ADARB2: variants seen among roughly 807,000 people sequenced by gnomAD.
ADARB2 encodes adenosine deaminase RNA specific B2 (inactive).
In ADARB2, 25 loss-of-function variants were observed where a neutral mutation model predicts 62.2. The ratio of observed to expected loss-of-function variants is 0.40; its 90% CI spans 0.29 to 0.56. ADARB2 has a LOEUF of 0.56. Ranked by LOEUF, ADARB2 falls within the 20% of genes least tolerant of loss-of-function variation. ADARB2 has a pLI of 0.43. For missense variants in ADARB2, 1,071 were observed against 1,077.4 expected (o/e 0.99, Z 0.08); for synonymous variants, 572 against 500.8 (o/e 1.14, Z -1.90).
chr10:1,605,180 C>T (rs957855055), intron 1 of ADARB2, among the ~76,000 whole-genome samples: 2 of 152,184 alleles, frequency 1.3e-5, no homozygotes, highest in African/African-American at 4.8e-5. Flanking sequence ...TGAGTCCTCC[C>T]TTCCTTCTCT....
intron 1 of ADARB2, among the ~76,000 whole-genome samples, chr10:1,657,697 G>GAGC: frequency 1.3e-5 from 2 of 152,306 alleles, no homozygotes; most frequent in South Asian, 4.2e-4. Flanking sequence ...CCTCTAAGCC[G>GAGC]AGCGCAGGGT....
intron 1 of ADARB2, among the ~76,000 whole-genome samples, chr10:1,450,345 CT>C (rs1831021127): frequency 6.6e-6 from 1 of 152,214 alleles, no homozygotes. Context: ...TTTCCTGCTG[CT>C]GGAAGGGTGC....
At chr10:1,535,920 G>C (rs879116203) in intron 1 of ADARB2, among the ~76,000 whole-genome samples, 1 of 151,974 alleles carries the variant, frequency 6.6e-6, no homozygotes, top group Non-Finnish European at 1.5e-5. Context: ...GCCCTCTCTC[G>C]TCCCAGTCTT....
chr10:1,512,260 G>A (rs376907759), intron 1 of ADARB2, among the ~76,000 whole-genome samples: 36 of 151,462 alleles, frequency 2.4e-4, no homozygotes, highest in South Asian at 4.2e-4. Flanking sequence ...ACACCAAGAC[G>A]TTGATGCTTC....
At chr10:1,220,443 T>C (rs941763188) in intron 6 of ADARB2, among the ~76,000 whole-genome samples, 5 of 151,778 alleles carry the variant, frequency 3.3e-5, no homozygotes, top group African/African-American at 1.2e-4. Flanking sequence ...GTGGTGATGA[T>C]AAATTGAACA....
chr10:1,607,644 C>T (rs960819825), intron 1 of ADARB2, among the ~76,000 whole-genome samples: 4 of 152,186 alleles, frequency 2.6e-5, no homozygotes, highest in African/African-American at 9.7e-5. Flanking sequence ...TACGAGAGCT[C>T]GTTGATGCTG....
intron 1 of ADARB2, among the ~76,000 whole-genome samples, chr10:1,629,561 A>AC (rs1449207522): frequency 7.7e-5 from 4 of 52,054 alleles, no homozygotes; most frequent in East Asian, 6.5e-4. Context: ...CCAGCACCCA[A>AC]CCCCCCCAGC....
chr10:1,464,318 GAA>G (rs1377621858), intron 1 of ADARB2, among the ~76,000 whole-genome samples: 3 of 144,072 alleles, frequency 2.1e-5, no homozygotes, highest in African/African-American at 7.8e-5. Flanking sequence ...GCGCGCCGGA[GAA>G]GAGGGTGGAC....
At chr10:1,206,505 G>A (rs900192295) in intron 7 of ADARB2, among the ~76,000 whole-genome samples, 6 of 151,856 alleles carry the variant, frequency 4.0e-5, no homozygotes, top group African/African-American at 1.4e-4. Flanking sequence ...CCTCGTGCCT[G>A]TGTGGTCTGA....
chr10:1,375,694 C>A (rs1414396103), intron 2 of ADARB2, among the ~76,000 whole-genome samples: 6 of 152,348 alleles, frequency 3.9e-5, no homozygotes, highest in Non-Finnish European at 2.9e-5. Context: ...TGTGCTCCTA[C>A]CACCCACCCT....
chr10:1,513,928 A>T (rs1225354401), intron 1 of ADARB2, among the ~76,000 whole-genome samples: 1 of 151,978 alleles, frequency 6.6e-6, no homozygotes, highest in Non-Finnish European at 1.5e-5. Flanking sequence ...TATAAACAAA[A>T]TAACAAAAAT....
intron 3 of ADARB2, among the ~76,000 whole-genome samples, chr10:1,351,084 C>A (rs924960180): frequency 2.0e-5 from 3 of 152,146 alleles, no homozygotes; most frequent in African/African-American, 7.2e-5. Flanking sequence ...CCTCCTAAGC[C>A]GTGTCCCATC....
At chr10:1,337,455 G>T (rs190123976) in intron 3 of ADARB2, among the ~76,000 whole-genome samples, 1 of 152,284 alleles carries the variant, frequency 6.6e-6, no homozygotes. Context: ...AAATGCTCAA[G>T]AAATGAGCTG....
intron 3 of ADARB2, among the ~76,000 whole-genome samples, chr10:1,323,655 C>G (rs1318676104): frequency 1.3e-5 from 2 of 151,722 alleles, no homozygotes; most frequent in Admixed American, 1.3e-4. Context: ...AATAGAGAAC[C>G]CAGTAAAGGT....
intron 3 of ADARB2, among the ~76,000 whole-genome samples, chr10:1,333,132 A>G (rs900054142): frequency 3.3e-5 from 5 of 152,256 alleles, no homozygotes; most frequent in South Asian, 2.1e-4. Flanking sequence ...TCAATTGCCA[A>G]GATCATTTCA....
chr10:1,340,799 G>A (rs1357694927), intron 3 of ADARB2, among the ~76,000 whole-genome samples: 8 of 107,808 alleles, frequency 7.4e-5, no homozygotes, highest in East Asian at 3.0e-4. Flanking sequence ...AGAGAACCAC[G>A]CGCCCCACAG....
intron 3 of ADARB2, among the ~76,000 whole-genome samples, chr10:1,326,430 G>T (rs1239477535): frequency 1.3e-5 from 2 of 152,220 alleles, no homozygotes; most frequent in Non-Finnish European, 2.9e-5. Flanking sequence ...GATCTGGCAG[G>T]AAAGGCGAGA....
chr10:1,544,338 G>A (rs1191277763), intron 1 of ADARB2, among the ~76,000 whole-genome samples: 3 of 152,356 alleles, frequency 2.0e-5, no homozygotes, highest in East Asian at 1.9e-4. Context: ...GCCCCCGGGG[G>A]TGCGGAGTGT....
At chr10:1,340,914 C>T (rs1303676058) in intron 3 of ADARB2, among the ~76,000 whole-genome samples, 2 of 151,990 alleles carry the variant, frequency 1.3e-5, no homozygotes, top group Non-Finnish European at 2.9e-5. Flanking sequence ...CAGCATCCAC[C>T]AGAGAACAAA....
Sources: allele counts gnomAD v4.1 joint callset (sites outside exome capture counted in the v4.1 genomes callset), GRCh38; gene constraint gnomAD v4.1.1; transcripts MANE v1.5; gene names NCBI Gene and HGNC (gene_info 2026-07-23, HGNC 2026-07-21).